The following OTOF variants were observed in gnomAD, a reference collection of about 807,000 sequenced individuals.
OTOF encodes fer-1-like family member 2.
In OTOF, 218 loss-of-function variants were observed where a neutral mutation model predicts 236.8. The ratio of observed to expected loss-of-function variants is 0.92; its 90% confidence interval spans 0.82 to 1.03. The LOEUF (loss-of-function observed/expected upper bound fraction) is 1.03, where lower values mean the gene tolerates loss of function less well. Among genes scored for constraint, OTOF ranks in the 50% least tolerant of loss-of-function variants. OTOF has a pLI of 0.00. For synonymous variants in OTOF, 1,041 were observed against 1,072.5 expected, an observed-to-expected ratio of 0.97 and a Z score of 0.57; for missense variants, 2,590 against 2,694.4, an observed-to-expected ratio of 0.96 and a Z score of 0.86.
At chr2:26,463,403 C>T (rs529900033) in intron 41 of OTOF, 80 bp downstream of exon 41, 2 of 1,211,408 alleles carry the variant, frequency 1.7e-6, no homozygotes, top group Non-Finnish European at 2.4e-6. Flanking sequence ...ACCTGAGCCC[C>T]CCGCAGGAAG....
chr2:26,541,681 A>C (rs965372196), intron 1 of OTOF, among the ~76,000 whole-genome samples: 1 of 152,204 alleles, frequency 6.6e-6, no homozygotes, highest in Non-Finnish European at 1.5e-5. Flanking sequence ...TTTCCACTTC[A>C]CATCTACTCC....
At position 26,475,454 on chromosome 2, in the gene OTOF, G is replaced by A. The variant is rs1665209035; in HGVS notation, c.3031C>T (p.Leu1011=). The A allele has an allele frequency of 6.2e-7, 1 of 1,613,064 alleles. No individual in the cohort carries two copies. Among genetic ancestry groups the A allele is most frequent in the Non-Finnish European group, 8.5e-7 (1 of 1,179,898 alleles). Residue 1011 remains leucine (L), a synonymous_variant, in exon 25 of 47, where the codon CTG becomes TTG. Coordinates refer to ENST00000272371, the MANE Select transcript of OTOF (RefSeq NM_194248.3). ...ETLCPTWDQM[L]VFDNLELYGE... is the part of the protein sequence containing the mutation. ...TAGAGCTCCAGGTTGTCGAACACCA[G>A]CATCTGGTCCCAGGTGGGACACAGG...
chr2:26,503,403 T>C (rs1033440457), intron 6 of OTOF, among the ~76,000 whole-genome samples: 5 of 152,226 alleles, frequency 3.3e-5, no homozygotes, highest in African/African-American at 1.2e-4. Context: ...GGGCGAGGCC[T>C]GCCGCCGACC....
intron 8 of OTOF, among the ~76,000 whole-genome samples, chr2:26,498,602 T>A (rs1475316773): frequency 6.6e-6 from 1 of 152,198 alleles, no homozygotes. Context: ...TGGGACCAAC[T>A]GACCAGCTGA....
chr2:26,502,228 C>T (rs1666130094), intron 7 of OTOF, 72 bp downstream of exon 7: 2 of 1,562,906 alleles, frequency 1.3e-6, no homozygotes, highest in Middle Eastern at 1.9e-4. Flanking sequence ...TACCCAAATT[C>T]CAATCATGGC....
intron 18 of OTOF, chr2:26,478,153 T>A: frequency 2.7e-6 from 2 of 729,012 alleles, no homozygotes; most frequent in Non-Finnish European, 3.8e-6. Flanking sequence ...TGGGAACAGA[T>A]GCCTGGGGGA....
chr2:26,496,172 G>C (rs935004747), intron 8 of OTOF, among the ~76,000 whole-genome samples: 2 of 151,850 alleles, frequency 1.3e-5, no homozygotes, highest in Non-Finnish European at 2.9e-5. Context: ...AAACCTGCTG[G>C]AGCCAGGCAC....
At chr2:26,495,117 C>A (rs756327797) in intron 8 of OTOF, 44 bp from the exon 9 acceptor site, 2 of 1,612,256 alleles carry the variant, frequency 1.2e-6, no homozygotes, top group Non-Finnish European at 8.5e-7. Flanking sequence ...GCTGCCTGAG[C>A]CTAGGAGCCT....
At chr2:26,511,121 C>T (rs1666376358) in intron 5 of OTOF, among the ~76,000 whole-genome samples, 2 of 152,228 alleles carry the variant, frequency 1.3e-5, no homozygotes, top group South Asian at 4.1e-4. Flanking sequence ...AGCCTGGCCA[C>T]CCTCCCGGCC....
chr2:26,529,041 G>A (rs1666877605), intron 2 of OTOF, among the ~76,000 whole-genome samples: 1 of 152,180 alleles, frequency 6.6e-6, no homozygotes, highest in East Asian at 1.9e-4. Flanking sequence ...AGAGTGATAT[G>A]AGGACAGTTT....
intron 29 of OTOF, among the ~76,000 whole-genome samples, 164 bp from the exon 30 acceptor site, chr2:26,472,813 A>C (rs1210677343): frequency 6.6e-6 from 1 of 151,964 alleles, no homozygotes; most frequent in African/African-American, 2.4e-5. Flanking sequence ...GGAGGGAAGA[A>C]GAGAGCCCGA....
rs537114652 is a variant in OTOF at position 26,480,622 on chromosome 2, G to A, written c.1803+164C>T. Among the ~76,000 whole-genome samples the A allele has an allele frequency of 2.0e-5, 3 of 152,348 alleles. No homozygotes were observed. The East Asian group carries it at 5.8e-4, about 29-fold the overall frequency. The stretch of plus-strand genomic sequence containing the variant: ...GTGGACGAGGGCAGAGTCCTGTTGC[G>A]GGGCTGAGTGGGGGCCTCTGCTTCC... On this transcript the variant is annotated intron_variant, in intron 15 of 46. Transcript: ENST00000272371.
Position 26,539,455 on chromosome 2 carries a change from C to G in OTOF, c.80-1681G>C, listed in dbSNP as rs373119262. On this transcript the variant is annotated intron_variant, in intron 1 of 46. Transcript: ENST00000272371. ...TCAAACCACTGAAAGTGGTTACCCC[C>G]CTGGGCGCAGTGGCTCACGCCTGTA... 2.0e-5 allele frequency among the ~76,000 whole-genome samples: 3 copies of G among 152,292 alleles called. No homozygotes were observed. In the East Asian group the frequency reaches 5.8e-4, roughly 29 times the overall value.
rs768638945 is a variant in OTOF at position 26,462,142 on chromosome 2, C to G, written c.5232G>C (p.Val1744=). 1 of 1,614,076 alleles carries G rather than the reference C, an allele frequency of 6.2e-7. No homozygotes were observed. Among genetic ancestry groups the G allele is most frequent in the Non-Finnish European group, 8.5e-7 (1 of 1,180,018 alleles). ...TGAAGAAGTCGTCGTCCTCCAAGAC[C>G]ACCTCATCTGTGTTCCAGATGATGA... is the stretch of plus-strand genomic sequence containing the variant. ...LRVIIWNTDE[V]VLEDDDFFTG... Residue 1744 remains valine, a synonymous_variant, in exon 42 of 47, where the codon GTG becomes GTC. Coordinates refer to ENST00000272371, the MANE Select transcript of OTOF (RefSeq NM_194248.3). The surrounding 1 kb of genome is among the most constrained non-coding windows in gnomAD (Gnocchi z 4.7).
At chr2:26,480,667 G>T in intron 15 of OTOF, 119 bp downstream of exon 15, 2 of 823,332 alleles carry the variant, frequency 2.4e-6, no homozygotes, top group South Asian at 1.4e-5. Flanking sequence ...GCCTTATCCT[G>T]AGGTATGACT....
At chr2:26,523,261 G>A (rs1046935503) in intron 3 of OTOF, among the ~76,000 whole-genome samples, 1 of 152,242 alleles carries the variant, frequency 6.6e-6, no homozygotes, top group Non-Finnish European at 1.5e-5. Flanking sequence ...TCATGGGGAA[G>A]CCCAAGGTTC....
At chr2:26,471,077 A>AG (rs1435910531) in intron 31 of OTOF, 44 bp downstream of exon 31, 2 of 1,610,772 alleles carry the variant, frequency 1.2e-6, no homozygotes. Context: ...TTGCCAATAA[A>AG]GGACCCTCTC....
At chr2:26,552,044 C>T (rs1667473715) in intron 1 of OTOF, among the ~76,000 whole-genome samples, 1 of 150,444 alleles carries the variant, frequency 6.6e-6, no homozygotes, top group Admixed American at 6.7e-5. Flanking sequence ...TGATACTGTT[C>T]TCCCCACTCT....
chr2:26,541,354 T>C (rs1306424551), intron 1 of OTOF, among the ~76,000 whole-genome samples: 1 of 152,228 alleles, frequency 6.6e-6, no homozygotes, highest in East Asian at 1.9e-4. Flanking sequence ...TAAAACCTCA[T>C]TGATTTAGGC....
Sources: allele counts gnomAD v4.1 joint callset (sites outside exome capture counted in the v4.1 genomes callset), GRCh38; gene constraint gnomAD v4.1.1; non-coding constraint Gnocchi (gnomAD v3.1); transcripts MANE v1.5; gene names NCBI Gene and HGNC (gene_info 2026-07-23, HGNC 2026-07-21).